The following HHAT variants were observed in gnomAD, a reference collection of about 807,000 sequenced individuals.
HHAT encodes the protein protein-cysteine N-palmitoyltransferase HHAT.
HHAT carries 47 observed loss-of-function variants against 70.8 expected under a neutral mutation model. The observed-to-expected ratio is 0.66, with a 90% CI of 0.53 to 0.85. HHAT has a LOEUF of 0.85. HHAT is among the 40% of genes least tolerant of loss of function. The probability of loss-of-function intolerance (pLI) is 0.00; values close to 1 mark genes in which losing one functional copy is unlikely to be tolerated. For synonymous variants in HHAT, 228 were observed against 247.6 expected (o/e 0.92, Z 0.74); for missense variants, 609 against 604.8 (o/e 1.01, Z -0.07).
chr1:210,519,115 C>T (rs1461993812), intron 9 of HHAT, among the ~76,000 whole-genome samples: 1 of 152,154 alleles, frequency 6.6e-6, no homozygotes, highest in Admixed American at 6.5e-5. Context: ...ACTCTTGGAA[C>T]AGGTGCTATG....
At chr1:210,376,302 C>T (rs1234383416) in intron 3 of HHAT, among the ~76,000 whole-genome samples, 4 of 151,998 alleles carry the variant, frequency 2.6e-5, no homozygotes, top group South Asian at 2.1e-4. Flanking sequence ...TGCTTATTGT[C>T]GTTCCTTAGG....
chr1:210,391,197 AT>A (rs1423638165), intron 4 of HHAT, among the ~76,000 whole-genome samples: 1 of 152,236 alleles, frequency 6.6e-6, no homozygotes, highest in Non-Finnish European at 1.5e-5. Context: ...ATTAATAATT[AT>A]GGAAATTAAG....
intron 1 of HHAT, among the ~76,000 whole-genome samples, chr1:210,343,187 C>T (rs556894324): frequency 2.0e-5 from 3 of 152,202 alleles, no homozygotes; most frequent in Admixed American, 6.5e-5. Context: ...TTAGCAATAA[C>T]GTGAACCTGT....
intron 11 of HHAT, among the ~76,000 whole-genome samples, chr1:210,642,102 G>A (rs1274727464): frequency 6.6e-6 from 1 of 152,106 alleles, no homozygotes; most frequent in African/African-American, 2.4e-5. Flanking sequence ...TTAGTTGCAT[G>A]CGTTTGCATA....
intron 11 of HHAT, among the ~76,000 whole-genome samples, chr1:210,673,027 A>G (rs1680400160): frequency 6.6e-6 from 1 of 152,202 alleles, no homozygotes; most frequent in Non-Finnish European, 1.5e-5. Flanking sequence ...GACAAAGGTA[A>G]TGACTTCCTA....
chr1:210,425,698 A>G (rs561750454), intron 7 of HHAT, among the ~76,000 whole-genome samples: 6 of 152,042 alleles, frequency 3.9e-5, no homozygotes, highest in Admixed American at 6.6e-5. Flanking sequence ...TTGTCAGTCT[A>G]TGTGTCGGTT....
chr1:210,399,343 G>A (rs572422363), intron 4 of HHAT, among the ~76,000 whole-genome samples: 26 of 152,154 alleles, frequency 1.7e-4, no homozygotes, highest in Non-Finnish European at 2.9e-5. Flanking sequence ...AGCAACCTCT[G>A]CCTCCCGAGT....
chr1:210,532,456 A>G (rs2095324953), intron 9 of HHAT, among the ~76,000 whole-genome samples: 1 of 152,192 alleles, frequency 6.6e-6, no homozygotes, highest in Non-Finnish European at 1.5e-5. Flanking sequence ...GCCTTAGGAA[A>G]GTCACTTCCC....
intron 10 of HHAT, among the ~76,000 whole-genome samples, chr1:210,609,490 A>G (rs1004574028): frequency 6.6e-6 from 1 of 152,112 alleles, no homozygotes; most frequent in Non-Finnish European, 1.5e-5. Context: ...CATAGTTTTT[A>G]TGGTAACTTT....
intron 6 of HHAT, among the ~76,000 whole-genome samples, chr1:210,408,470 A>T (rs1193025015): frequency 6.6e-6 from 1 of 152,204 alleles, no homozygotes; most frequent in Non-Finnish European, 1.5e-5. Context: ...GGTGTGAGCC[A>T]CCATGCTCGG....
upstream of HHAT, among the ~76,000 whole-genome samples, chr1:210,327,477 C>T (rs562032856): frequency 3.9e-5 from 6 of 152,118 alleles, no homozygotes; most frequent in South Asian, 1.0e-3. Context: ...CATAGTGATA[C>T]TAAAAAGTTA....
intron 8 of HHAT, among the ~76,000 whole-genome samples, chr1:210,509,515 A>C (rs1160939642): frequency 6.6e-6 from 1 of 152,216 alleles, no homozygotes; most frequent in Non-Finnish European, 1.5e-5. Flanking sequence ...CCTAACTAAC[A>C]ATCACTTAAC....
chr1:210,408,277 G>T (rs1476445438), intron 6 of HHAT, among the ~76,000 whole-genome samples: 3 of 152,084 alleles, frequency 2.0e-5, no homozygotes, highest in Non-Finnish European at 4.4e-5. Flanking sequence ...CCACCTCCTG[G>T]TATCAAGTGA....
Position 210,629,870 on chromosome 1 carries a change from G to A in HHAT, c.1390+6200G>A, listed in dbSNP as rs1402947225. ...GTTTTTTGTTTTTTTTTTTTGAGAC[G>A]GAGTCTCTGTCACCCAGGTTGGAGT... On this transcript the variant is annotated intron_variant, in intron 11 of 11. Coordinates refer to ENST00000261458, the MANE Select transcript of HHAT (RefSeq NM_018194.6). Among the ~76,000 whole-genome samples, 7 of 147,496 alleles carry A rather than the reference G, an allele frequency of 4.7e-5. No homozygotes were observed. The East Asian group carries it at 9.8e-4, about 21-fold the overall frequency.
At chr1:210,573,345 C>T (rs1031786062) in intron 9 of HHAT, among the ~76,000 whole-genome samples, 10 of 152,128 alleles carry the variant, frequency 6.6e-5, no homozygotes, top group South Asian at 2.1e-4. Context: ...CCTGACCCCA[C>T]GCTACTCTTT....
intron 10 of HHAT, among the ~76,000 whole-genome samples, chr1:210,613,792 A>T (rs551454409): frequency 6.6e-6 from 1 of 152,112 alleles, no homozygotes; most frequent in African/African-American, 2.4e-5. Context: ...CTGAGGTGGG[A>T]GGATCACTTG....
At chr1:210,651,960 T>G in intron 11 of HHAT, among the ~76,000 whole-genome samples, 1 of 152,174 alleles carries the variant, frequency 6.6e-6, no homozygotes, top group Non-Finnish European at 1.5e-5. Context: ...CCAGAAATGG[T>G]GTGGCTGAGG....
chr1:210,368,263 A>G (rs943020880), intron 3 of HHAT, among the ~76,000 whole-genome samples: 8 of 152,160 alleles, frequency 5.3e-5, no homozygotes, highest in African/African-American at 1.2e-4. Flanking sequence ...GCTTAAGTTC[A>G]AATTTGGCTT....
intron 7 of HHAT, among the ~76,000 whole-genome samples, chr1:210,427,629 G>T (rs542218798): frequency 1.3e-5 from 2 of 152,152 alleles, no homozygotes; most frequent in East Asian, 3.9e-4. Context: ...GAATTTCTTA[G>T]CCTTGATTAG....
Sources: gnomAD v4.1 joint callset for allele counts (sites outside exome capture counted in the v4.1 genomes callset) on GRCh38, gnomAD v4.1.1 for gene constraint, MANE v1.5 for transcripts, NCBI Gene and HGNC (gene_info 2026-07-23, HGNC 2026-07-21) for gene names.